Variants in RGS9 observed in about 807,000 individuals in gnomAD.
RGS9 encodes regulator of G protein signaling 9.
A neutral mutation model predicts 102.0 loss-of-function variants in RGS9; 78 were observed. That is an observed-to-expected ratio of 0.76 (90% confidence interval 0.64 to 0.92). The LOEUF (loss-of-function observed/expected upper bound fraction) is 0.92, where lower values mean the gene tolerates loss of function less well. RGS9 is among the 40% of genes least tolerant of loss of function. RGS9 has a pLI of 0.00. For missense variants in RGS9, 833 were observed against 866.1 expected (o/e 0.96, Z 0.48); for synonymous variants, 353 against 318.6 (o/e 1.11, Z -1.15).
At chr17:65,187,733 C>T (rs1912178080) in intron 9 of RGS9, among the ~76,000 whole-genome samples, 1 of 152,194 alleles carries the variant, frequency 6.6e-6, no homozygotes, top group Non-Finnish European at 1.5e-5. Context: ...TGCGGTGGCT[C>T]ACGCCTGTAA....
At chr17:65,209,525 C>G (rs937459238) in intron 16 of RGS9, among the ~76,000 whole-genome samples, 1 of 152,258 alleles carries the variant, frequency 6.6e-6, no homozygotes, top group Non-Finnish European at 1.5e-5. Flanking sequence ...GTGGGCTCCA[C>G]TGCTCACTGC....
At chr17:65,160,452 G>T in intron 4 of RGS9, 84 bp from the exon 5 acceptor site, 1 of 1,581,746 alleles carries the variant, frequency 6.3e-7, no homozygotes, top group South Asian at 1.1e-5. Flanking sequence ...GGGCCAAGGT[G>T]GTTGGATTTC....
intron 9 of RGS9, among the ~76,000 whole-genome samples, chr17:65,181,320 A>G (rs1249265729): frequency 6.6e-6 from 1 of 152,190 alleles, no homozygotes; most frequent in Non-Finnish European, 1.5e-5. Flanking sequence ...TGACTTTTTG[A>G]TAATAGCCAT....
intron 8 of RGS9, among the ~76,000 whole-genome samples, chr17:65,174,650 TGA>T (rs1216446938): frequency 8.5e-5 from 13 of 152,148 alleles, no homozygotes; most frequent in Admixed American, 5.9e-4. Context: ...TGCACGTGTG[TGA>T]GTGTGTGAAT....
chr17:65,184,348 T>C (rs980521308), intron 9 of RGS9, among the ~76,000 whole-genome samples: 6 of 152,204 alleles, frequency 3.9e-5, no homozygotes, highest in Non-Finnish European at 8.8e-5. Flanking sequence ...TATCTTTTTT[T>C]GCATAATAGG....
At chr17:65,157,794 T>C (rs944943792) in intron 2 of RGS9, among the ~76,000 whole-genome samples, 1 of 152,018 alleles carries the variant, frequency 6.6e-6, no homozygotes, top group South Asian at 2.1e-4. Flanking sequence ...ACTTGGGGAG[T>C]TGGAGAGCCG....
intron 9 of RGS9, among the ~76,000 whole-genome samples, chr17:65,185,066 C>T (rs1331202874): frequency 6.6e-6 from 1 of 152,082 alleles, no homozygotes; most frequent in Non-Finnish European, 1.5e-5. Context: ...CCACTCCCTC[C>T]AAATCAATTT....
intron 17 of RGS9, among the ~76,000 whole-genome samples, chr17:65,214,750 C>T (rs1913424345): frequency 6.6e-6 from 1 of 152,200 alleles, no homozygotes; most frequent in African/African-American, 2.4e-5. Context: ...CAGCACACAG[C>T]TTGCATAACC....
At chr17:65,180,982 AT>A (rs550998657) in intron 9 of RGS9, among the ~76,000 whole-genome samples, 163 of 152,246 alleles carry the variant, frequency 1.1e-3, no homozygotes, top group South Asian at 7.3e-3. Flanking sequence ...ACATGATCTC[AT>A]TTTTTTATGG....
At chr17:65,177,104 T>C in intron 8 of RGS9, among the ~76,000 whole-genome samples, 1 of 148,674 alleles carries the variant, frequency 6.7e-6, no homozygotes, top group South Asian at 2.2e-4. Flanking sequence ...CTTCCATCCC[T>C]CCATTCATCC....
rs75364894 is a variant in RGS9 at position 65,212,498 on chromosome 17, G to A, written c.1407+1893G>A. Among the ~76,000 whole-genome samples the A allele has an allele frequency of 9.8e-3, 1,489 of 152,310 alleles. 29 individuals are homozygous for A. The highest frequency in any genetic ancestry group is 0.034 in the African/African-American group (1,416 of 41,554). ...GCAGGGAGAACGTTCTGGGGAGAGA[G>A]GGCTGTGTGGGCAAAGGCTCAGAGC... On this transcript the variant is annotated intron_variant, in intron 17 of 18. Coordinates refer to ENST00000262406, the MANE Select transcript of RGS9 (RefSeq NM_003835.4).
chr17:65,210,460 C>G, intron 16 of RGS9, 28 bp from the exon 17 acceptor site: 1 of 1,612,142 alleles, frequency 6.2e-7, no homozygotes, highest in Non-Finnish European at 8.5e-7. Flanking sequence ...TCATTTTCCT[C>G]CAACCACCAA....
intron 13 of RGS9, 112 bp from the exon 14 acceptor site, chr17:65,201,879 ACT>A: frequency 8.1e-6 from 6 of 743,610 alleles, no homozygotes; most frequent in South Asian, 7.2e-5. Context: ...AAAGGTGTTC[ACT>A]GAGCTGGGAA....
chr17:65,215,358 A>G (rs983179654), intron 17 of RGS9, among the ~76,000 whole-genome samples: 5 of 152,028 alleles, frequency 3.3e-5, no homozygotes, highest in African/African-American at 1.2e-4. Context: ...ATGAAAGAGG[A>G]CTGGATTTTG....
At chr17:65,146,522 A>G (rs1223463953) in intron 1 of RGS9, among the ~76,000 whole-genome samples, 1 of 148,770 alleles carries the variant, frequency 6.7e-6, no homozygotes, top group Non-Finnish European at 1.5e-5. Flanking sequence ...TGGGAGGCGG[A>G]GGTTGCAATG....
intron 7 of RGS9, among the ~76,000 whole-genome samples, chr17:65,166,194 G>A (rs531752922): frequency 6.6e-6 from 1 of 152,176 alleles, no homozygotes; most frequent in Non-Finnish European, 1.5e-5. Flanking sequence ...TTATGGCCTG[G>A]CCTCAGAAAT....
intron 1 of RGS9, among the ~76,000 whole-genome samples, chr17:65,150,262 C>T (rs982533463): frequency 2.0e-5 from 3 of 152,286 alleles, no homozygotes; most frequent in South Asian, 4.1e-4. Flanking sequence ...GCCCTTCCAC[C>T]TAGAACACCC....
intron 16 of RGS9, among the ~76,000 whole-genome samples, chr17:65,209,492 C>T (rs1913204285): frequency 6.6e-6 from 1 of 152,238 alleles, no homozygotes; most frequent in African/African-American, 2.4e-5. Context: ...TGGCTCCAAG[C>T]TTACGTGGGC....
At chr17:65,195,618 C>A (rs531115361) in intron 12 of RGS9, among the ~76,000 whole-genome samples, 55 of 152,226 alleles carry the variant, frequency 3.6e-4, no homozygotes, top group Non-Finnish European at 5.4e-4. Flanking sequence ...CATTCATAAG[C>A]CTTTGCATCC....
Sources: gnomAD v4.1 joint callset for allele counts (sites outside exome capture counted in the v4.1 genomes callset) on GRCh38, gnomAD v4.1.1 for gene constraint, MANE v1.5 for transcripts, NCBI Gene and HGNC (gene_info 2026-07-23, HGNC 2026-07-21) for gene names.